Variants in NEDD9 observed in about 807,000 individuals in gnomAD.
The protein encoded by NEDD9 is neural precursor cell expressed, developmentally down-regulated 9.
A neutral mutation model predicts 76.6 loss-of-function variants in NEDD9; 26 were observed. That is an observed-to-expected ratio of 0.34 (90% confidence interval 0.25 to 0.47). The LOEUF is 0.47. Ranked by LOEUF, NEDD9 falls within the 20% of genes least tolerant of loss-of-function variation. The pLI, the probability that NEDD9 is intolerant of heterozygous loss-of-function variation, is 1.00. For synonymous variants in NEDD9, 392 were observed against 414.2 expected (o/e 0.95, Z 0.65); for missense variants, 937 against 1,058.5 (o/e 0.89, Z 1.59).
At chr6:11,362,546 C>A (rs772421752) in intron 1 of NEDD9, among the ~76,000 whole-genome samples, 3 of 152,160 alleles carry the variant, frequency 2.0e-5, no homozygotes, top group Non-Finnish European at 4.4e-5. Flanking sequence ...TTTATAGATG[C>A]CATTATTTGT....
intron 1 of NEDD9, among the ~76,000 whole-genome samples, chr6:11,232,055 CAA>C (rs1759483428): frequency 2.0e-5 from 3 of 152,252 alleles, no homozygotes; most frequent in East Asian, 3.9e-4. Context: ...ACGATTAAAG[CAA>C]AGTCTGGAAA....
intron 2 of NEDD9, among the ~76,000 whole-genome samples, chr6:11,312,680 A>G (rs913417536): frequency 9.9e-6 from 1 of 101,278 alleles, no homozygotes; most frequent in African/African-American, 4.0e-5. Flanking sequence ...TTATAATTTT[A>G]TATTATATAT....
intron 3 of NEDD9, among the ~76,000 whole-genome samples, chr6:11,244,246 ACT>A (rs1759765244): frequency 6.6e-6 from 1 of 151,090 alleles, no homozygotes. Context: ...CCAATCTTTT[ACT>A]CTCTTTCTCT....
At chr6:11,203,320 A>C (rs1432936699) in intron 2 of NEDD9, among the ~76,000 whole-genome samples, 1 of 152,220 alleles carries the variant, frequency 6.6e-6, no homozygotes, top group Non-Finnish European at 1.5e-5. Context: ...TTGATGTCCA[A>C]ATAAATTCAA....
At chr6:11,248,586 G>A (rs544914096) in intron 3 of NEDD9, among the ~76,000 whole-genome samples, 24 of 152,338 alleles carry the variant, frequency 1.6e-4, no homozygotes, top group Admixed American at 1.5e-3. Flanking sequence ...GACAGGGAAG[G>A]GGCTTGGCTG....
intron 3 of NEDD9, among the ~76,000 whole-genome samples, chr6:11,257,509 C>T (rs552719223): frequency 1.3e-5 from 2 of 152,266 alleles, no homozygotes; most frequent in South Asian, 2.1e-4. Flanking sequence ...TCTAACAGCC[C>T]CCCAAATAGA....
intron 3 of NEDD9, among the ~76,000 whole-genome samples, chr6:11,239,942 G>A (rs371153846): frequency 1.3e-5 from 2 of 149,946 alleles, no homozygotes; most frequent in East Asian, 2.0e-4. Context: ...TACTTGGGAC[G>A]ATGAGACAGG....
Position 11,293,675 on chromosome 6 carries a change from C to T in NEDD9, c.12+12317G>A, listed in dbSNP as rs549144735. Among the ~76,000 whole-genome samples the T allele has an allele frequency of 2.0e-4, 30 of 151,552 alleles. No homozygotes were observed. The South Asian group carries it at 6.3e-3, about 32-fold the overall frequency. On this transcript the variant is annotated intron_variant, in intron 3 of 3. Transcript: ENST00000397378. ...TAAGATCTACTGTGGTAGCAAGTTT[C>T]AAGTATATATTAAATACAGTATTTT...
In NEDD9 at chr6:11,276,966, C is replaced by T. The variant is rs1760430650; in HGVS notation, c.12+29026G>A. ...GGAAACAAACAAACAAACAAACAAA[C>T]AAACTAGTGATGGAAATGAAAATAG... is the stretch of plus-strand genomic sequence containing the variant. On this transcript the variant is annotated intron_variant, in intron 3 of 3. Coordinates refer to the NEDD9 transcript ENST00000397378. 3.3e-5 allele frequency among the ~76,000 whole-genome samples: 5 copies of T among 152,124 alleles called. No homozygotes were observed. In the South Asian group the frequency reaches 8.3e-4, roughly 25 times the overall value.
chr6:11,194,184 G>GAATCCC (rs1023666301), intron 2 of NEDD9, among the ~76,000 whole-genome samples: 2 of 151,882 alleles, frequency 1.3e-5, no homozygotes, highest in African/African-American at 4.8e-5. Context: ...AATCCCTCTT[G>GAATCCC]AATCCCAATG....
intron 1 of NEDD9, among the ~76,000 whole-genome samples, chr6:11,222,337 T>G (rs987775622): frequency 2.6e-5 from 4 of 152,256 alleles, no homozygotes; most frequent in African/African-American, 9.6e-5. Flanking sequence ...TGGTATTATC[T>G]ACTTCACTTG....
intron 3 of NEDD9, among the ~76,000 whole-genome samples, chr6:11,275,565 C>CACACACACACACACACATATATATAT (rs551632582): frequency 1.3e-5 from 2 of 150,184 alleles, no homozygotes; most frequent in African/African-American, 4.9e-5. Context: ...CACACACACA[C>CACACACACACACACACATATATATAT]ATATATATAT....
chr6:11,192,337 T>C lies in NEDD9; in HGVS notation c.663+8A>G, dbSNP rs1758167621. On this transcript the variant is annotated splice_region_variant and intron_variant, in intron 4 of 6. Transcript: ENST00000379446. ...CTCCTTTTTGCTGCTTTGTAGTCAC[T>C]CACTCACCCCTTTTGTAGGCGGGAT... 1 of 1,498,848 alleles carries C rather than the reference T, an allele frequency of 6.7e-7. No individual in the cohort carries two copies. Among genetic ancestry groups the C allele is most frequent in the African/African-American group, 1.6e-5 (1 of 63,582 alleles). The allele number at this position is 1,498,848 out of a possible 1,614,324, so 92.8% of individuals were successfully genotyped here. A position where few individuals can be genotyped will look rare whatever the true frequency, so the allele number is the denominator to read the frequency against.
intron 3 of NEDD9, among the ~76,000 whole-genome samples, chr6:11,285,834 T>C (rs1022282746): frequency 1.3e-5 from 2 of 152,186 alleles, no homozygotes; most frequent in Non-Finnish European, 2.9e-5. Flanking sequence ...TCAGTTCATA[T>C]CTTTCATTAT....
chr6:11,236,674 G>C (rs1421806836), upstream of NEDD9, among the ~76,000 whole-genome samples: 1 of 152,190 alleles, frequency 6.6e-6, no homozygotes, highest in African/African-American at 2.4e-5. The surrounding 1 kb of genome is among the most constrained non-coding windows in gnomAD (Gnocchi z 5.5). Flanking sequence ...TCAGGCCCCT[G>C]AATCTCTTGG....
chr6:11,381,343 T>C (rs917456115), intron 1 of NEDD9, among the ~76,000 whole-genome samples: 8 of 152,326 alleles, frequency 5.3e-5, no homozygotes, highest in African/African-American at 1.7e-4. Context: ...GGGAAAAGAT[T>C]GGTGGCCGAT....
intron 1 of NEDD9, among the ~76,000 whole-genome samples, chr6:11,343,858 C>A (rs1389708147): frequency 6.6e-6 from 1 of 152,148 alleles, no homozygotes; most frequent in Non-Finnish European, 1.5e-5. Context: ...GGGTATTAAA[C>A]ATAGACTAAA....
At chr6:11,199,333 T>A (rs1213248992) in intron 2 of NEDD9, 2 of 152,320 alleles carry the variant, frequency 1.3e-5, no homozygotes, top group East Asian at 3.9e-4. Context: ...TGGATCTAAA[T>A]CCCGGTTCTA....
chr6:11,309,405 G>A (rs879031766), intron 2 of NEDD9, among the ~76,000 whole-genome samples: 1 of 152,148 alleles, frequency 6.6e-6, no homozygotes, highest in Admixed American at 6.5e-5. Context: ...ATGTGGAATT[G>A]CTGGATGATA....
Sources: allele counts gnomAD v4.1 joint callset (sites outside exome capture counted in the v4.1 genomes callset), GRCh38; gene constraint gnomAD v4.1.1; non-coding constraint Gnocchi (gnomAD v3.1); transcripts MANE v1.5; gene names NCBI Gene and HGNC (gene_info 2026-07-23, HGNC 2026-07-21).